LTBP1: variants seen among roughly 807,000 people sequenced by gnomAD.
LTBP1 encodes the protein latent-transforming growth factor beta-binding protein 1.
Under a neutral mutation model 207.6 loss-of-function variants are expected in LTBP1, and 129 were observed. The ratio of observed to expected loss-of-function variants is 0.62; its 90% CI spans 0.54 to 0.72. LTBP1 has a LOEUF of 0.72. LTBP1 is among the 30% of genes least tolerant of loss of function. The pLI is 0.00. For synonymous variants in LTBP1, 963 were observed against 833.7 expected (o/e 1.16, Z -2.67); for missense variants, 2,281 against 2,217.2 (o/e 1.03, Z -0.58).
chr2:33,362,128 CCTCATTAACCA>C (rs2094933881), intron 28 of LTBP1, among the ~76,000 whole-genome samples: 1 of 152,082 alleles, frequency 6.6e-6, no homozygotes, highest in Non-Finnish European at 1.5e-5. Flanking sequence ...ATGAATATTT[CCTCATTAACCA>C]CTCACTTTTG....
intron 19 of LTBP1, among the ~76,000 whole-genome samples, chr2:33,284,539 A>T (rs2093626138): frequency 6.6e-6 from 1 of 152,050 alleles, no homozygotes; most frequent in Non-Finnish European, 1.5e-5. Context: ...ACCTTTAATG[A>T]CTATTTCATC....
chr2:32,978,689 G>A (rs1463452896), intron 2 of LTBP1, among the ~76,000 whole-genome samples: 1 of 125,498 alleles, frequency 8.0e-6, no homozygotes, highest in Admixed American at 8.2e-5. Context: ...TTTTGCATGT[G>A]TCTTTGGTTT....
intron 16 of LTBP1, 120 bp downstream of exon 16, chr2:33,273,901 G>A: frequency 2.3e-6 from 2 of 864,100 alleles, no homozygotes; most frequent in South Asian, 2.6e-5. Flanking sequence ...TTTTTTGAAA[G>A]TTTATCCCTT....
At chr2:33,206,439 T>C (rs1026168475) in intron 7 of LTBP1, among the ~76,000 whole-genome samples, 3 of 152,110 alleles carry the variant, frequency 2.0e-5, no homozygotes, top group Non-Finnish European at 4.4e-5. Context: ...CTCAATATGG[T>C]TGTAGAAATA....
In LTBP1 at chr2:33,035,155, C is replaced by T. The variant is rs2075861772; in HGVS notation, c.863+13949C>T. Among the ~76,000 whole-genome samples, 5 of 152,290 alleles carry T rather than the reference C, an allele frequency of 3.3e-5. No homozygotes were observed. In the South Asian group the frequency reaches 1.0e-3, roughly 32 times the overall value. On this transcript the variant is annotated intron_variant, in intron 3 of 33. Transcript: ENST00000404816. ...ATGTTCTATTCTCTTGTGATTTTAG[C>T]AACACGTTGCTAATGGAGAAAATAA...
intron 28 of LTBP1, among the ~76,000 whole-genome samples, 190 bp from the exon 29 acceptor site, chr2:33,363,200 A>G (rs1048908751): frequency 1.3e-5 from 2 of 152,176 alleles, no homozygotes; most frequent in African/African-American, 2.4e-5. Flanking sequence ...CAGACAAACT[A>G]CATCTGTTTA....
intron 7 of LTBP1, among the ~76,000 whole-genome samples, chr2:33,214,587 G>A (rs1285673019): frequency 1.3e-5 from 2 of 152,080 alleles, no homozygotes; most frequent in Non-Finnish European, 1.5e-5. Context: ...TTCCAACCTC[G>A]GGGACTTTCC....
chr2:33,105,650 C>A (rs1023045990), intron 3 of LTBP1, among the ~76,000 whole-genome samples: 2 of 152,124 alleles, frequency 1.3e-5, no homozygotes, highest in Admixed American at 6.5e-5. Flanking sequence ...CTAGGCTGGT[C>A]TTGAACTTGC....
intron 10 of LTBP1, among the ~76,000 whole-genome samples, chr2:33,246,913 T>A (rs2092532615): frequency 6.6e-6 from 1 of 152,156 alleles, no homozygotes; most frequent in African/African-American, 2.4e-5. Context: ...TCTCCAGACA[T>A]GTTGCTACCT....
intron 3 of LTBP1, among the ~76,000 whole-genome samples, chr2:33,036,247 A>G (rs2075913347): frequency 6.6e-6 from 1 of 151,534 alleles, no homozygotes; most frequent in African/African-American, 2.4e-5. Flanking sequence ...AGGGGTGGAG[A>G]ATTTGGGTGG....
chr2:33,279,190 C>T (rs977920246), intron 18 of LTBP1, among the ~76,000 whole-genome samples: 6 of 152,178 alleles, frequency 3.9e-5, no homozygotes, highest in Non-Finnish European at 8.8e-5. Context: ...AGAAAAAACA[C>T]TTATTTCAAA....
intron 2 of LTBP1, among the ~76,000 whole-genome samples, chr2:32,955,990 GTTTA>G (rs1243703815): frequency 6.6e-6 from 1 of 152,140 alleles, no homozygotes; most frequent in Non-Finnish European, 1.5e-5. Flanking sequence ...TAAAACTCAT[GTTTA>G]TATACTATAT....
intron 5 of LTBP1, among the ~76,000 whole-genome samples, chr2:33,159,928 C>T (rs1476286940): frequency 6.6e-6 from 1 of 152,144 alleles, no homozygotes; most frequent in African/African-American, 2.4e-5. Flanking sequence ...GTTGCCCAGG[C>T]TGGAGTGCAG....
chr2:32,969,787 C>T (rs1350827678), intron 2 of LTBP1, among the ~76,000 whole-genome samples: 1 of 152,132 alleles, frequency 6.6e-6, no homozygotes, highest in East Asian at 1.9e-4. Context: ...GGTATATACC[C>T]AATAATGGGA....
chr2:33,019,874 ATTT>A lies in LTBP1; in HGVS notation c.566-1018_566-1016del, dbSNP rs3047195. Among the ~76,000 whole-genome samples the A allele has an allele frequency of 2.7e-4, 36 of 135,018 alleles. No individual in the cohort carries two copies. In the East Asian group the frequency reaches 2.8e-3, roughly 11 times the overall value. The allele number at this position is 135,018 out of a possible 152,430, so 88.6% of individuals were successfully genotyped here. ...CGTGCCACCATGCCCAGCTAATTAA[ATTT>A]TTTTTTTTTTTTTTTTGGTAGAGAC... is the stretch of plus-strand genomic sequence containing the variant. On this transcript the variant is annotated intron_variant, in intron 2 of 33. Coordinates refer to ENST00000404816, the MANE Select transcript of LTBP1 (RefSeq NM_206943.4).
At chr2:33,007,493 A>C (rs1338719608) in intron 2 of LTBP1, among the ~76,000 whole-genome samples, 4 of 152,246 alleles carry the variant, frequency 2.6e-5, no homozygotes, top group African/African-American at 9.6e-5. Flanking sequence ...CTTGAGCATG[A>C]GAACACTCAC....
intron 4 of LTBP1, among the ~76,000 whole-genome samples, chr2:33,113,271 C>A (rs565000971): frequency 2.0e-5 from 3 of 152,268 alleles, no homozygotes; most frequent in South Asian, 2.1e-4. Flanking sequence ...ATACCTTGAG[C>A]TCTAAGCACT....
At chr2:33,152,043 G>C (rs540385342) in intron 5 of LTBP1, among the ~76,000 whole-genome samples, 5 of 152,174 alleles carry the variant, frequency 3.3e-5, no homozygotes, top group Admixed American at 2.0e-4. Context: ...GAAAGCAAAT[G>C]CAATAAAAAC....
chr2:33,315,282 A>C lies in LTBP1; in HGVS notation c.3730+13A>C. ...CGTACGTGTGAAGGTAAGATAAACC[A>C]TACGAAATCATATTGTTGTGTGATA... On this transcript the variant is annotated intron_variant, in intron 24 of 33. Transcript: ENST00000404816. 6.2e-7 allele frequency: 1 copy of C among 1,608,928 alleles called. No homozygotes were observed. Among genetic ancestry groups the C allele is most frequent in the Non-Finnish European group, 8.5e-7 (1 of 1,178,912 alleles).
Sources: gnomAD v4.1 joint callset for allele counts (sites outside exome capture counted in the v4.1 genomes callset) on GRCh38, gnomAD v4.1.1 for gene constraint, MANE v1.5 for transcripts, NCBI Gene and HGNC (gene_info 2026-07-23, HGNC 2026-07-21) for gene names.